Variants in DSCAML1 observed in about 807,000 individuals in gnomAD.
The protein encoded by DSCAML1 is cell adhesion molecule DSCAML1.
In DSCAML1, 38 loss-of-function variants were observed where a neutral mutation model predicts 200.5. That is an observed-to-expected ratio of 0.19 (90% CI 0.15 to 0.25). DSCAML1 has a LOEUF of 0.25. Among genes scored for constraint, DSCAML1 ranks in the 10% least tolerant of loss-of-function variants. The pLI, the probability that DSCAML1 is intolerant of heterozygous loss-of-function variation, is 1.00. For missense variants in DSCAML1, 2,223 were observed against 2,858.8 expected (o/e 0.78, Z 5.07); for synonymous variants, 1,215 against 1,165.0 (o/e 1.04, Z -0.87).
chr11:117,595,053 T>C (rs888383442), intron 3 of DSCAML1, among the ~76,000 whole-genome samples: 9 of 70,068 alleles, frequency 1.3e-4, no homozygotes, highest in Admixed American at 7.7e-4. Context: ...TACTCTGTCT[T>C]TCTCTTACAC....
At chr11:117,656,099 G>A (rs971397692) in intron 3 of DSCAML1, among the ~76,000 whole-genome samples, 2 of 152,222 alleles carry the variant, frequency 1.3e-5, no homozygotes, top group Non-Finnish European at 2.9e-5. Flanking sequence ...TTAGCTGGGC[G>A]TGGTGGCGTA....
chr11:117,611,641 C>T (rs947475025), intron 3 of DSCAML1: 2 of 152,216 alleles, frequency 1.3e-5, no homozygotes, highest in Admixed American at 6.5e-5. Flanking sequence ...GCCATCAGTG[C>T]CCTTCCAGTA....
chr11:117,446,279 G>A (rs1366077091), intron 20 of DSCAML1, among the ~76,000 whole-genome samples: 7 of 152,246 alleles, frequency 4.6e-5, no homozygotes, highest in Middle Eastern at 3.4e-3. Flanking sequence ...CAGGAGAATC[G>A]CTTGAACCTG....
At chr11:117,582,600 T>G (rs1358081332) in intron 3 of DSCAML1, among the ~76,000 whole-genome samples, 4 of 152,206 alleles carry the variant, frequency 2.6e-5, no homozygotes, top group Non-Finnish European at 5.9e-5. Flanking sequence ...TTACTCATGC[T>G]TGGATGGACA....
rs779754377 is a variant in DSCAML1, at chr11:117,797,103, G to A, written c.-24C>T. The A allele has an allele frequency of 1.3e-6, 2 of 1,588,796 alleles. No homozygotes were observed. Among genetic ancestry groups the A allele is most frequent in the Non-Finnish European group, 1.7e-6 (2 of 1,168,374 alleles). On this transcript the variant is annotated 5_prime_UTR_variant, in exon 1 of 33. Transcript: ENST00000651296. ...ATGCCATAAAGAGGCCCTATTCTCCGGGGAGGTGGTCCTGTGGCCGGCCGT... is the reference window on the plus strand; with the variant it reads ...ATGCCATAAAGAGGCCCTATTCTCCAGGGAGGTGGTCCTGTGGCCGGCCGT...
At chr11:117,625,879 C>T (rs1400535400) in intron 3 of DSCAML1, among the ~76,000 whole-genome samples, 1 of 152,194 alleles carries the variant, frequency 6.6e-6, no homozygotes, top group Non-Finnish European at 1.5e-5. Context: ...TGTCCCCTAT[C>T]AGAAACACTA....
rs1430901892 is a variant in DSCAML1 at position 117,615,361 on chromosome 11, C to A, written c.512-82839G>T. On this transcript the variant is annotated intron_variant, in intron 3 of 32. Transcript: ENST00000651296. ...ACATCCTGAGGTCCTGGATGCTGGG[C>A]CTGCTAGAGGAAGTAGCTTTTGGCT... Among the ~76,000 whole-genome samples, 3 of 152,140 alleles carry A rather than the reference C, an allele frequency of 2.0e-5. No individual in the cohort carries two copies. The East Asian group carries it at 5.8e-4, about 29-fold the overall frequency.
intron 11 of DSCAML1, among the ~76,000 whole-genome samples, chr11:117,499,293 C>T (rs1418309836): frequency 2.6e-5 from 4 of 152,006 alleles, no homozygotes; most frequent in Admixed American, 2.6e-4. Flanking sequence ...TATTTTCAAC[C>T]AAGTTCTGGG....
At chr11:117,472,482 T>C (rs10892121) in intron 14 of DSCAML1, among the ~76,000 whole-genome samples, 32,792 of 152,084 alleles carry the variant, frequency 0.22, 3,831 homozygotes, top group Middle Eastern at 0.32. Context: ...TTCTCCTCCT[T>C]TTGTGTGTGC....
chr11:117,438,261 T>C (rs1308899620), intron 24 of DSCAML1, among the ~76,000 whole-genome samples, 178 bp from the exon 25 acceptor site: 2 of 151,916 alleles, frequency 1.3e-5, no homozygotes, highest in African/African-American at 4.8e-5. Flanking sequence ...CCCAGTCAAC[T>C]CTCTATGTTA....
intron 3 of DSCAML1, among the ~76,000 whole-genome samples, chr11:117,753,811 G>A (rs892955325): frequency 6.6e-6 from 1 of 152,210 alleles, no homozygotes; most frequent in African/African-American, 2.4e-5. Flanking sequence ...AAGGAGGCCA[G>A]AGAGATTGTT....
intron 3 of DSCAML1, among the ~76,000 whole-genome samples, chr11:117,755,965 G>C (rs898546083): frequency 6.6e-6 from 1 of 152,100 alleles, no homozygotes; most frequent in Admixed American, 6.6e-5. Flanking sequence ...TTCTGCTGTC[G>C]GGTAATACCA....
chr11:117,786,638 G>C (rs1011790442), intron 1 of DSCAML1, among the ~76,000 whole-genome samples: 2 of 152,134 alleles, frequency 1.3e-5, no homozygotes, highest in African/African-American at 4.8e-5. Flanking sequence ...GGCTGACTGA[G>C]GTTGCTCTGA....
intron 3 of DSCAML1, among the ~76,000 whole-genome samples, chr11:117,607,869 G>GA (rs1459279401): frequency 1.3e-5 from 2 of 152,186 alleles, no homozygotes; most frequent in African/African-American, 4.8e-5. Flanking sequence ...CTTGTCAATA[G>GA]GGAAAAAGAG....
intron 3 of DSCAML1, among the ~76,000 whole-genome samples, chr11:117,720,730 T>C (rs886209235): frequency 6.6e-6 from 1 of 152,234 alleles, no homozygotes; most frequent in Non-Finnish European, 1.5e-5. Flanking sequence ...TGTAAAATGG[T>C]GCACAGCAAT....
At chr11:117,534,492 A>C (rs1216593793) in intron 3 of DSCAML1, among the ~76,000 whole-genome samples, 1 of 152,036 alleles carries the variant, frequency 6.6e-6, no homozygotes, top group African/African-American at 2.4e-5. Flanking sequence ...GCTTTGACTC[A>C]CTGGTGCCCC....
intron 3 of DSCAML1, among the ~76,000 whole-genome samples, chr11:117,542,423 T>C (rs1336460790): frequency 6.6e-6 from 1 of 152,210 alleles, no homozygotes. Context: ...TCAAGCTGCC[T>C]TGGGTGGTTC....
At chr11:117,481,514 G>A (rs1167336353) in intron 12 of DSCAML1, among the ~76,000 whole-genome samples, 3 of 144,962 alleles carry the variant, frequency 2.1e-5, no homozygotes, top group African/African-American at 7.8e-5. Context: ...TCCTAGGGGA[G>A]TGGGAGGGGC....
intron 1 of DSCAML1, among the ~76,000 whole-genome samples, chr11:117,781,966 G>A (rs1366785337): frequency 6.6e-6 from 1 of 152,184 alleles, no homozygotes; most frequent in East Asian, 1.9e-4. Flanking sequence ...CTCTTGAGGA[G>A]CCTGCCCCTT....
Sources: allele counts gnomAD v4.1 joint callset (sites outside exome capture counted in the v4.1 genomes callset), GRCh38; gene constraint gnomAD v4.1.1; transcripts MANE v1.5; gene names NCBI Gene and HGNC (gene_info 2026-07-23, HGNC 2026-07-21).